Variants in PPP2R3B observed in about 807,000 individuals in gnomAD.
PPP2R3B encodes the protein serine/threonine-protein phosphatase 2A regulatory subunit B'' subunit beta.
In PPP2R3B, 68 loss-of-function variants were observed where a neutral mutation model predicts 72.9. The observed-to-expected ratio is 0.93, with a 90% CI of 0.77 to 1.14. The LOEUF (loss-of-function observed/expected upper bound fraction) is 1.14, where lower values mean the gene tolerates loss of function less well. Among genes scored for constraint, PPP2R3B ranks in the 50% most tolerant of loss-of-function variants. The pLI is 0.00. For missense variants in PPP2R3B, 1,018 were observed against 842.0 expected, an observed-to-expected ratio of 1.21 and a Z score of -2.59; for synonymous variants, 466 against 375.8, an observed-to-expected ratio of 1.24 and a Z score of -2.78.
At chrX:346,300 C>A in intron 5 of PPP2R3B, 40 bp from the exon 6 acceptor site, 2 of 1,531,284 alleles carry the variant, frequency 1.3e-6, no homozygotes, top group Non-Finnish European at 1.8e-6. Flanking sequence ...CGCAGAGACC[C>A]CCAGGAGCCT....
intron 1 of PPP2R3B, among the ~76,000 whole-genome samples, chrX:382,175 G>A (rs1160034040): frequency 1.3e-5 from 2 of 149,770 alleles, no homozygotes; most frequent in African/African-American, 4.9e-5. Context: ...AACGTGACCT[G>A]AACATCTCAT....
chrX:363,968 G>A lies in PPP2R3B; in HGVS notation c.325-2378C>T, dbSNP rs140445938. On this transcript the variant is annotated intron_variant, in intron 1 of 12. Transcript: ENST00000390665. ...ACCCTGGACAGAATAGTTGACAAAC[G>A]TCTTCTAGACGGCGCCCACAGGCTG... is the stretch of plus-strand genomic sequence containing the variant. 4.1e-3 allele frequency among the ~76,000 whole-genome samples: 624 copies of A among 152,372 alleles called. 9 individuals carry two copies. Among genetic ancestry groups the A allele is most frequent in the African/African-American group, 0.014 (585 of 41,590 alleles).
intron 2 of PPP2R3B, among the ~76,000 whole-genome samples, chrX:360,597 G>A (rs1719758220): frequency 6.6e-6 from 1 of 152,228 alleles, no homozygotes; most frequent in Non-Finnish European, 1.5e-5. Flanking sequence ...CAGCTGCAGA[G>A]CTGGAGAGGG....
chrX:380,472 G>T (rs1385037651), intron 1 of PPP2R3B, among the ~76,000 whole-genome samples: 2 of 152,112 alleles, frequency 1.3e-5, no homozygotes. Context: ...TCACCAGGCC[G>T]CAGGGAAATG....
In PPP2R3B at chrX:334,170, C is replaced by T. The variant is rs902698824; in HGVS notation, c.*197G>A. 4.9e-5 allele frequency: 27 copies of T among 554,404 alleles called. No individual in the cohort carries two copies. The highest frequency in any genetic ancestry group is 1.1e-4 in the East Asian group (3 of 26,620). The allele number at this position is 554,404 out of a possible 1,614,324, so 34.3% of individuals were successfully genotyped here. A position where few individuals can be genotyped will look rare whatever the true frequency, so the allele number is the denominator to read the frequency against. On this transcript the variant is annotated 3_prime_UTR_variant, in exon 13 of 13. Coordinates refer to ENST00000390665, the MANE Select transcript of PPP2R3B (RefSeq NM_013239.5). ...CCCGTCCCATTCACGCGCGGCCCTACGTGTCCCCCTGGCACAGAGCTCTGG... is the reference window on the plus strand; with the variant it reads ...CCCGTCCCATTCACGCGCGGCCCTATGTGTCCCCCTGGCACAGAGCTCTGG...
Position 338,828 on chromosome X carries a change from T to C in PPP2R3B, c.1420A>G (p.Ile474Val). 6.2e-7 allele frequency: 1 copy of C among 1,612,396 alleles called. No homozygotes were observed. The highest frequency in any genetic ancestry group is 2.2e-5 in the East Asian group (1 of 44,866). Residue 474 changes from isoleucine (I) to valine (V), a missense_variant, in exon 11 of 13, where the codon ATC becomes GTC. Physicochemically the swap from Ile to Val is conservative, Grantham distance 29. Coordinates refer to ENST00000390665, the MANE Select transcript of PPP2R3B (RefSeq NM_013239.5). ...TGCTCGTGGTCGAGGTACTTCTCGA[T>C]GTTGAAGAAGGTGTCGAAGAAGACG... ...ANVFFDTFFNIEKYLDHEQKE... is the reference protein window; with the variant it reads ...ANVFFDTFFNVEKYLDHEQKE...
chrX:372,102 G>C (rs1319744590), intron 1 of PPP2R3B, among the ~76,000 whole-genome samples: 1 of 152,068 alleles, frequency 6.6e-6, no homozygotes, highest in South Asian at 2.1e-4. Context: ...TCACCTCATT[G>C]ACTCTGCGAC....
At chrX:341,263 C>G (rs374137173) in intron 9 of PPP2R3B, 44 bp downstream of exon 9, 1 of 1,600,444 alleles carries the variant, frequency 6.2e-7, no homozygotes, top group Non-Finnish European at 8.5e-7. Flanking sequence ...GGGCGGCTCC[C>G]GGCCCCTCCA....
chrX:341,912 T>C lies in PPP2R3B; in HGVS notation c.1056A>G (p.Ile352Met), dbSNP rs2071087707. 6.2e-7 allele frequency: 1 copy of C among 1,612,540 alleles called. No individual in the cohort carries two copies. Among genetic ancestry groups the C allele is most frequent in the Non-Finnish European group, 8.5e-7 (1 of 1,179,710 alleles). The change falls in exon 8 of 13, where the codon ATA becomes ATG. Residue 352 changes from isoleucine to methionine, a missense_variant. Coordinates refer to ENST00000390665, the MANE Select transcript of PPP2R3B (RefSeq NM_013239.5). Reference protein sequence around the residue: ...HNDHALSTKMIDRIFSGAVTR... With the variant: ...HNDHALSTKMMDRIFSGAVTR... The stretch of plus-strand genomic sequence containing the variant: ...TGACTGCTCCTGAGAAGATCCTGTC[T>C]ATCATCTTGGTAGAAAGGGCTGGAA...
chrX:350,936 C>T (rs4076267), intron 2 of PPP2R3B, among the ~76,000 whole-genome samples: 49,422 of 151,940 alleles, frequency 0.33, 9,486 homozygotes, highest in South Asian at 0.44. Context: ...GCGAGAGGAG[C>T]CGGACGCCAG....
intron 12 of PPP2R3B, 38 bp downstream of exon 12, chrX:338,566 C>G (rs2070956218): frequency 1.4e-6 from 2 of 1,428,504 alleles, no homozygotes; most frequent in Non-Finnish European, 1.9e-6. Flanking sequence ...CGTCCTCCCA[C>G]TGACCCGTCC....
At chrX:370,376 C>T (rs759416775) in intron 1 of PPP2R3B, among the ~76,000 whole-genome samples, 4 of 152,306 alleles carry the variant, frequency 2.6e-5, no homozygotes, top group African/African-American at 9.6e-5. Flanking sequence ...CCTGCACCCA[C>T]ACCTGCAGCC....
At chrX:365,052 C>A (rs1216034718) in intron 1 of PPP2R3B, among the ~76,000 whole-genome samples, 3 of 47,892 alleles carry the variant, frequency 6.3e-5, no homozygotes, top group African/African-American at 1.8e-4. Flanking sequence ...TGTCTCAAAA[C>A]AAAACAAACG....
chrX:353,807 C>T (rs1331869322), intron 2 of PPP2R3B, among the ~76,000 whole-genome samples: 1 of 150,732 alleles, frequency 6.6e-6, no homozygotes, highest in African/African-American at 2.4e-5. Context: ...GACTGGGGCT[C>T]ACCCAAGGAG....
chrX:348,237 A>T (rs1331247682), intron 2 of PPP2R3B, among the ~76,000 whole-genome samples: 3 of 152,160 alleles, frequency 2.0e-5, no homozygotes, highest in Non-Finnish European at 4.4e-5. Context: ...ACAGAAAATC[A>T]ACAAAATCAA....
intron 7 of PPP2R3B, chrX:345,056 G>C (rs2071167323): frequency 5.0e-6 from 2 of 403,460 alleles, no homozygotes; most frequent in Admixed American, 2.9e-5. Context: ...GAGGACACCT[G>C]GGCGGCACCG....
chrX:367,849 T>C (rs2071756161), intron 1 of PPP2R3B, among the ~76,000 whole-genome samples: 1 of 152,190 alleles, frequency 6.6e-6, no homozygotes, highest in South Asian at 2.1e-4. Context: ...GCTACACATT[T>C]TTTTTTGAGA....
intron 1 of PPP2R3B, among the ~76,000 whole-genome samples, chrX:376,814 C>A (rs1472118206): frequency 1.6e-5 from 2 of 121,574 alleles, no homozygotes; most frequent in Admixed American, 1.6e-4. Flanking sequence ...CTATACACTA[C>A]TGTATACAGG....
chrX:337,544 T>G (rs2070923916), intron 12 of PPP2R3B: 1 of 152,210 alleles, frequency 6.6e-6, no homozygotes, highest in African/African-American at 2.4e-5. Flanking sequence ...ACAGTCCACG[T>G]GGTCCCGGGA....
Sources: allele counts gnomAD v4.1 joint callset (sites outside exome capture counted in the v4.1 genomes callset), GRCh38; gene constraint gnomAD v4.1.1; transcripts MANE v1.5; gene names NCBI Gene and HGNC (gene_info 2026-07-23, HGNC 2026-07-21).